Variants in INPP4B observed in about 807,000 individuals in gnomAD.
INPP4B encodes inositol polyphosphate-4-phosphatase type II B, also known as inositol polyphosphate 4-phosphatase type II.
Under a neutral mutation model 122.5 loss-of-function variants are expected in INPP4B, and 55 were observed. That is an observed-to-expected ratio of 0.45 (90% CI 0.36 to 0.56). INPP4B has a LOEUF of 0.56. INPP4B is among the 20% of genes least tolerant of loss of function. The pLI, the probability that INPP4B is intolerant of heterozygous loss-of-function variation, is 0.00. For missense variants in INPP4B, 1,000 were observed against 1,097.7 expected (o/e 0.91, Z 1.26); for synonymous variants, 403 against 388.7 (o/e 1.04, Z -0.43).
At chr4:142,389,251 GAA>G (rs199976631) in intron 7 of INPP4B, among the ~76,000 whole-genome samples, 5,819 of 89,468 alleles carry the variant, frequency 0.065, 399 homozygotes, top group African/African-American at 0.19. Context: ...CTCCATCTCA[GAA>G]AAAAAAAAAA....
intron 2 of INPP4B, among the ~76,000 whole-genome samples, chr4:142,613,286 G>A (rs1304629342): frequency 6.6e-6 from 1 of 152,112 alleles, no homozygotes; most frequent in East Asian, 1.9e-4. Context: ...CTGAACATAA[G>A]CGAAACTGAT....
intron 7 of INPP4B, among the ~76,000 whole-genome samples, chr4:142,394,667 G>T (rs567461890): frequency 6.6e-6 from 1 of 151,960 alleles, no homozygotes; most frequent in Non-Finnish European, 1.5e-5. Context: ...TAAATGAGTT[G>T]TTTTCTCATT....
At chr4:142,306,766 C>T (rs145096542) in intron 8 of INPP4B, among the ~76,000 whole-genome samples, 19 of 152,172 alleles carry the variant, frequency 1.2e-4, no homozygotes, top group African/African-American at 4.6e-4. Flanking sequence ...TCCCAGTGAC[C>T]CTGGAGGCTG....
At chr4:142,611,339 G>C (rs1308476079) in intron 2 of INPP4B, among the ~76,000 whole-genome samples, 1 of 152,144 alleles carries the variant, frequency 6.6e-6, no homozygotes, top group Admixed American at 6.5e-5. Context: ...ACAATTCGAT[G>C]TGAGATCTGG....
intron 2 of INPP4B, among the ~76,000 whole-genome samples, chr4:142,543,469 A>G (rs1008427961): frequency 6.6e-6 from 1 of 152,178 alleles, no homozygotes; most frequent in Middle Eastern, 3.2e-3. Flanking sequence ...ATGAAACGAA[A>G]CTTTACTTTC....
chr4:142,697,426 G>A (rs1166189164), intron 2 of INPP4B, among the ~76,000 whole-genome samples: 1 of 152,098 alleles, frequency 6.6e-6, no homozygotes, highest in African/African-American at 2.4e-5. Context: ...ATACTCTAAC[G>A]AAATAGGTAA....
At position 142,028,509 on chromosome 4, in the gene INPP4B, C is replaced by A; in HGVS notation, c.*273G>T. 1 of 383,798 alleles carries A rather than the reference C, an allele frequency of 2.6e-6. No individual in the cohort carries two copies. Among genetic ancestry groups the A allele is most frequent in the East Asian group, 4.0e-5 (1 of 24,792 alleles). 23.8% of individuals were successfully genotyped at this position (383,798 alleles called of 1,614,324 possible). A position where few individuals can be genotyped will look rare whatever the true frequency, so the allele number is the denominator to read the frequency against. ...TTTAAATACTCATGAATGAAATTTA[C>A]ACTTTGTGAACCAATCTCAATCAGC... On this transcript the variant is annotated 3_prime_UTR_variant, in exon 26 of 26. Transcript: ENST00000262992.
At chr4:142,122,379 C>T (rs1387398893) in intron 20 of INPP4B, 134 bp from the exon 21 acceptor site, 2 of 678,074 alleles carry the variant, frequency 2.9e-6, no homozygotes, top group Non-Finnish European at 5.2e-6. Flanking sequence ...CTACTCTAGA[C>T]ACTTTTCCTC....
At chr4:142,550,324 T>G (rs1727664476) in intron 2 of INPP4B, among the ~76,000 whole-genome samples, 1 of 152,046 alleles carries the variant, frequency 6.6e-6, no homozygotes, top group Non-Finnish European at 1.5e-5. Flanking sequence ...ATTGATATTC[T>G]CCATAGGAAC....
rs562917670 is a variant in INPP4B at position 142,245,835 on chromosome 4, CAT to C, written c.689-7826_689-7825del. Among the ~76,000 whole-genome samples the C allele has an allele frequency of 8.9e-5, 9 of 101,112 alleles. 1 individual carries two copies. The highest frequency in any genetic ancestry group is 5.6e-4 in the Admixed American group (5 of 8,868). 66.3% of individuals were successfully genotyped at this position (101,112 alleles called of 152,430 possible). The stretch of plus-strand genomic sequence containing the variant: ...ATGTATACATATATGTGTATGTATA[CAT>C]ATATATGTGTATGTATACATATATG... On this transcript the variant is annotated intron_variant, in intron 11 of 25. Transcript: ENST00000262992.
At chr4:142,554,888 T>C (rs1233819162) in intron 2 of INPP4B, among the ~76,000 whole-genome samples, 3 of 152,220 alleles carry the variant, frequency 2.0e-5, no homozygotes, top group East Asian at 1.9e-4. Flanking sequence ...TTCCCACCAA[T>C]GAGCTTCAGC....
intron 18 of INPP4B, among the ~76,000 whole-genome samples, chr4:142,142,688 C>T (rs952432843): frequency 6.6e-6 from 1 of 151,992 alleles, no homozygotes; most frequent in African/African-American, 2.4e-5. Flanking sequence ...TAAGAGAGAA[C>T]AACTTGAGTC....
chr4:142,170,727 C>T (rs887439880), intron 16 of INPP4B, among the ~76,000 whole-genome samples: 12 of 151,758 alleles, frequency 7.9e-5, no homozygotes, highest in Non-Finnish European at 7.4e-5. Context: ...ACTTCAACAT[C>T]GTAATAACCA....
At chr4:142,125,317 T>C (rs1349879017) in intron 18 of INPP4B, among the ~76,000 whole-genome samples, 1 of 152,032 alleles carries the variant, frequency 6.6e-6, no homozygotes, top group East Asian at 1.9e-4. Context: ...ATAATCAGTT[T>C]GTATCTGATT....
At chr4:142,087,385 A>G (rs1409333795) in intron 23 of INPP4B, among the ~76,000 whole-genome samples, 1 of 152,212 alleles carries the variant, frequency 6.6e-6, no homozygotes, top group African/African-American at 2.4e-5. Flanking sequence ...AATGGCATAC[A>G]CTTTATACTA....
At chr4:142,114,137 C>A (rs1346207907) in intron 21 of INPP4B, among the ~76,000 whole-genome samples, 3 of 152,006 alleles carry the variant, frequency 2.0e-5, no homozygotes, top group Non-Finnish European at 1.5e-5. Flanking sequence ...TGGCATGTAT[C>A]AGTAGCTTGT....
At chr4:142,744,134 A>G (rs897802380) in intron 1 of INPP4B, among the ~76,000 whole-genome samples, 1 of 151,980 alleles carries the variant, frequency 6.6e-6, no homozygotes, top group Non-Finnish European at 1.5e-5. Flanking sequence ...ATCTATTTTA[A>G]AAGGCAAATA....
intron 2 of INPP4B, among the ~76,000 whole-genome samples, chr4:142,469,132 C>T (rs1211172222): frequency 9.4e-5 from 14 of 149,540 alleles, no homozygotes; most frequent in Non-Finnish European, 3.0e-5. Context: ...AACAGAAAAA[C>T]TGTAAAAAAA....
intron 2 of INPP4B, among the ~76,000 whole-genome samples, chr4:142,591,418 C>T (rs1448114160): frequency 6.6e-6 from 1 of 151,702 alleles, no homozygotes; most frequent in Non-Finnish European, 1.5e-5. Flanking sequence ...AGATTATAAC[C>T]CAAAGTATAA....
Sources: gnomAD v4.1 joint callset for allele counts (sites outside exome capture counted in the v4.1 genomes callset) on GRCh38, gnomAD v4.1.1 for gene constraint, MANE v1.5 for transcripts, NCBI Gene and HGNC (gene_info 2026-07-23, HGNC 2026-07-21) for gene names.